Variants in PSEN1 observed in about 807,000 individuals in gnomAD.
PSEN1 encodes the protein presenilin 1.
PSEN1 carries 15 observed loss-of-function variants against 53.5 expected under a neutral mutation model. That is an observed-to-expected ratio of 0.28 (90% CI 0.19 to 0.43). The LOEUF is 0.43. Among genes scored for constraint, PSEN1 ranks in the 20% least tolerant of loss-of-function variants. The probability of loss-of-function intolerance (pLI) is 1.00; values close to 1 mark genes in which losing one functional copy is unlikely to be tolerated. For synonymous variants in PSEN1, 208 were observed against 209.8 expected (o/e 0.99, Z 0.08); for missense variants, 387 against 571.2 (o/e 0.68, Z 3.29).
At chr14:73,217,516 AT>A (rs1365773116) in intron 11 of PSEN1, among the ~76,000 whole-genome samples, 3 of 152,194 alleles carry the variant, frequency 2.0e-5, no homozygotes, top group African/African-American at 7.2e-5. Context: ...AAATTCTGGT[AT>A]TTCTGTTTAG....
At chr14:73,151,753 G>A (rs915143853) in intron 3 of PSEN1, among the ~76,000 whole-genome samples, 3 of 150,938 alleles carry the variant, frequency 2.0e-5, no homozygotes, top group African/African-American at 7.3e-5. Context: ...ATTTTTGGCA[G>A]AAATGAGGTT....
chr14:73,197,081 C>CT (rs1898982649), intron 7 of PSEN1, among the ~76,000 whole-genome samples: 1 of 151,910 alleles, frequency 6.6e-6, no homozygotes, highest in African/African-American at 2.4e-5. Flanking sequence ...TACAGGCACG[C>CT]GCCACCACAC....
At chr14:73,186,685 G>A (rs546148878) in intron 5 of PSEN1, among the ~76,000 whole-genome samples, 168 bp from the exon 6 acceptor site, 2 of 152,246 alleles carry the variant, frequency 1.3e-5, no homozygotes, top group East Asian at 3.9e-4. Context: ...GCTTAAGCAC[G>A]AGAATTGCTT....
chr14:73,151,636 A>C (rs1213039741), intron 3 of PSEN1, among the ~76,000 whole-genome samples: 1 of 151,984 alleles, frequency 6.6e-6, no homozygotes, highest in African/African-American at 2.4e-5. Context: ...ACTCACTGCA[A>C]CCTCGACCTC....
chr14:73,183,211 A>G (rs916788998), intron 5 of PSEN1, among the ~76,000 whole-genome samples: 92 of 152,206 alleles, frequency 6.0e-4, no homozygotes, highest in Non-Finnish European at 1.0e-4. Context: ...TCCGCCTCTC[A>G]GGTTGAAGTG....
intron 1 of PSEN1, among the ~76,000 whole-genome samples, chr14:73,141,950 C>A (rs1896941716): frequency 1.3e-5 from 2 of 151,858 alleles, no homozygotes; most frequent in Non-Finnish European, 2.9e-5. Context: ...ACCTGTAGTC[C>A]CAGCTACTTG....
chr14:73,195,209 G>A (rs781753488), intron 7 of PSEN1, among the ~76,000 whole-genome samples: 57 of 152,226 alleles, frequency 3.7e-4, no homozygotes, highest in Admixed American at 1.6e-3. Context: ...GTCTCGCTTT[G>A]TTGCCCAGGC....
At chr14:73,153,829 T>C (rs10136911) in intron 3 of PSEN1, among the ~76,000 whole-genome samples, 6,027 of 151,702 alleles carry the variant, frequency 0.04, 217 homozygotes, top group African/African-American at 0.1. Flanking sequence ...TCTCCTGCCT[T>C]AGTCTCCCGA....
At chr14:73,175,261 G>T (rs909586895) in intron 5 of PSEN1, among the ~76,000 whole-genome samples, 5 of 152,090 alleles carry the variant, frequency 3.3e-5, no homozygotes, top group Non-Finnish European at 7.4e-5. Context: ...CGAGTAGCTG[G>T]GATTACAGGC....
intron 8 of PSEN1, among the ~76,000 whole-genome samples, chr14:73,199,200 G>C (rs573357205): frequency 2.3e-4 from 35 of 152,308 alleles, no homozygotes; most frequent in African/African-American, 8.4e-4. Context: ...TGAAATACTA[G>C]AGCTTGGGAA....
At chr14:73,204,288 A>G (rs1227951709) in intron 8 of PSEN1, among the ~76,000 whole-genome samples, 3 of 143,014 alleles carry the variant, frequency 2.1e-5, no homozygotes, top group African/African-American at 2.6e-5. Flanking sequence ...GTGAGCCACC[A>G]TGCCTGGCCT....
chr14:73,147,341 ACTT>A (rs1362693838), intron 1 of PSEN1, among the ~76,000 whole-genome samples: 1 of 152,128 alleles, frequency 6.6e-6, no homozygotes, highest in Non-Finnish European at 1.5e-5. Flanking sequence ...AAGTCACTGA[ACTT>A]CTCTGGATTC....
chr14:73,181,008 A>C (rs1415585896), intron 5 of PSEN1, among the ~76,000 whole-genome samples: 1 of 152,224 alleles, frequency 6.6e-6, no homozygotes, highest in Non-Finnish European at 1.5e-5. Context: ...GCAGAAAAAT[A>C]TTTGTGAAGT....
At chr14:73,213,810 T>C (rs527814167) in intron 10 of PSEN1, among the ~76,000 whole-genome samples, 17 of 152,272 alleles carry the variant, frequency 1.1e-4, no homozygotes, top group Non-Finnish European at 2.1e-4. Context: ...TCATACTCAC[T>C]AGATTGGCTA....
chr14:73,218,767 G>T (rs191527044), intron 11 of PSEN1, among the ~76,000 whole-genome samples: 7 of 151,526 alleles, frequency 4.6e-5, no homozygotes, highest in Admixed American at 4.6e-4. Context: ...CATAGAGAAT[G>T]CTCTTCACCT....
In PSEN1 at chr14:73,186,855, C is replaced by T. The variant is rs1393015075; in HGVS notation, c.483C>T (p.Val161=). ...TATTGAAATGCTTTCTTTTCTAGGT[C>T]ATCCATGCCTGGCTTATTATATCAT... ...VVLYKYRCYK[V]IHAWLIISSL... The change falls in exon 6 of 12, where the codon GTC becomes GTT. Residue 161 remains valine, a splice_region_variant and synonymous_variant. Coordinates refer to ENST00000324501, the MANE Select transcript of PSEN1 (RefSeq NM_000021.4). 3.1e-6 allele frequency: 5 copies of T among 1,608,904 alleles called. No individual in the cohort carries two copies. In the African/African-American group the frequency reaches 4.0e-5, roughly 13 times the overall value.
chr14:73,217,763 A>G (rs1026445497), intron 11 of PSEN1, among the ~76,000 whole-genome samples: 1 of 151,644 alleles, frequency 6.6e-6, no homozygotes, highest in African/African-American at 2.4e-5. Flanking sequence ...TGATAGTGCT[A>G]CAGCATGAAC....
At chr14:73,194,419 AT>A (rs200471959) in intron 7 of PSEN1, among the ~76,000 whole-genome samples, 3 of 151,852 alleles carry the variant, frequency 2.0e-5, no homozygotes, top group African/African-American at 7.2e-5. Context: ...ACCATGCCTA[AT>A]TTTTTAAAAA....
intron 3 of PSEN1, among the ~76,000 whole-genome samples, chr14:73,163,748 C>T (rs919083356): frequency 1.3e-5 from 2 of 151,962 alleles, no homozygotes; most frequent in Admixed American, 6.6e-5. Context: ...CAGCCCTGAG[C>T]GGGGAACTAG....
Sources: gnomAD v4.1 joint callset for allele counts (sites outside exome capture counted in the v4.1 genomes callset) on GRCh38, gnomAD v4.1.1 for gene constraint, MANE v1.5 for transcripts, NCBI Gene and HGNC (gene_info 2026-07-23, HGNC 2026-07-21) for gene names.